The following TNNT3 variants were observed in gnomAD, a reference collection of about 807,000 sequenced individuals.
TNNT3 encodes troponin T, fast skeletal muscle.
A neutral mutation model predicts 54.2 loss-of-function variants in TNNT3; 36 were observed. That is an observed-to-expected ratio of 0.66 (90% CI 0.51 to 0.88). The LOEUF is 0.88. TNNT3 is among the 40% of genes least tolerant of loss of function. TNNT3 has a pLI of 0.00. For missense variants in TNNT3, 291 were observed against 331.6 expected, an observed-to-expected ratio of 0.88 and a Z score of 0.95; for synonymous variants, 120 against 109.7, an observed-to-expected ratio of 1.09 and a Z score of -0.59.
At position 1,934,900 on chromosome 11, in the gene TNNT3, TGAAACGCCAGAAATATGACG is replaced by T; in HGVS notation, c.663_681+1del. ...GACAAGTTCGAGTTTGGGGAGAAGCTGAAACGCCAGAAATATGACGTGAGTCCCGGCACCTCCGGCCCTGG... is the reference window on the plus strand; with the variant it reads ...GACAAGTTCGAGTTTGGGGAGAAGCTTGAGTCCCGGCACCTCCGGCCCTGG... On this transcript the variant is annotated splice_donor_variant and coding_sequence_variant, in exon 14 of 16. Transcript: ENST00000278317. LOFTEE classifies it high-confidence loss of function. 6.2e-7 allele frequency: 1 copy of T among 1,613,580 alleles called. No individual in the cohort carries two copies. Among genetic ancestry groups the T allele is most frequent in the Non-Finnish European group, 8.5e-7 (1 of 1,180,022 alleles).
At chr11:1,924,261 C>A (rs1564799795) in intron 4 of TNNT3, among the ~76,000 whole-genome samples, 1 of 152,188 alleles carries the variant, frequency 6.6e-6, no homozygotes, top group South Asian at 2.1e-4. Context: ...AGCCTGGAGC[C>A]CCCTCCCTGT....
chr11:1,934,330 A>G lies in TNNT3; in HGVS notation c.367-2A>G. On this transcript the variant is annotated splice_acceptor_variant, in intron 11 of 15. Transcript: ENST00000278317. LOFTEE classifies it high-confidence loss of function. ...AGCATCTTGGGAATGGGGTCTCCAC[A>G]GGAGGAAAAGGCCAGAAGGGAGGAG... 6.2e-7 allele frequency: 1 copy of G among 1,613,138 alleles called. No individual in the cohort carries two copies. Among genetic ancestry groups the G allele is most frequent in the Non-Finnish European group, 8.5e-7 (1 of 1,179,416 alleles).
chr11:1,926,826 C>T (rs892519267), intron 6 of TNNT3, 117 bp downstream of exon 6: 2 of 1,378,218 alleles, frequency 1.5e-6, no homozygotes, highest in African/African-American at 2.8e-5. Context: ...TGAACCCGTT[C>T]TGGCCTCTGG....
In TNNT3 at chr11:1,929,454, C is replaced by T. The variant is rs559809430; in HGVS notation, c.106+311C>T. ...CCCCCCTCCCCTTTCTCCCAAGCCCCTTTCCTCCCAATCTTCTTCCCGAGC... is the reference window on the plus strand; with the variant it reads ...CCCCCCTCCCCTTTCTCCCAAGCCCTTTTCCTCCCAATCTTCTTCCCGAGC... On this transcript the variant is annotated intron_variant, in intron 7 of 15. Coordinates refer to ENST00000278317, the MANE Select transcript of TNNT3 (RefSeq NM_006757.4). Among the ~76,000 whole-genome samples, 107 of 152,356 alleles carry T rather than the reference C, an allele frequency of 7.0e-4. 2 individuals carry two copies. The South Asian group carries it at 0.021, about 30-fold the overall frequency.
rs1406691213 is a variant in TNNT3 at position 1,925,117 on chromosome 11, G to T, written c.67+1G>T. ...CTCTCAGAGGAAGCCCAGGAGGAAG[G>T]TAAGTGGGGTCCAAGGCCCCGGCCC... On this transcript the variant is annotated splice_donor_variant, in intron 5 of 15. Coordinates refer to ENST00000278317, the MANE Select transcript of TNNT3 (RefSeq NM_006757.4). LOFTEE classifies it high-confidence loss of function. The T allele has an allele frequency of 1.2e-6, 2 of 1,613,006 alleles. No individual in the cohort carries two copies. The highest frequency in any genetic ancestry group is 1.3e-5 in the African/African-American group (1 of 75,024).
At chr11:1,932,042 A>G (rs553505729) in intron 8 of TNNT3, among the ~76,000 whole-genome samples, 4 of 152,280 alleles carry the variant, frequency 2.6e-5, no homozygotes, top group Non-Finnish European at 5.9e-5. Context: ...AGAAAGATGA[A>G]AGAGGGGCTG....
chr11:1,923,114 C>T, intron 3 of TNNT3, 53 bp downstream of exon 3: 1 of 1,610,492 alleles, frequency 6.2e-7, no homozygotes, highest in Non-Finnish European at 8.5e-7. Context: ...GGAAGGCTCA[C>T]ATGTGGGCAG....
At position 1,922,898 on chromosome 11, in the gene TNNT3, A is replaced by T; in HGVS notation, c.17+7A>T. 6.2e-7 allele frequency: 1 copy of T among 1,613,678 alleles called. No homozygotes were observed. The highest frequency in any genetic ancestry group is 1.3e-5 in the African/African-American group (1 of 74,978). ...CCATGTCTGACGAGGAAGTGTGAGT[A>T]CCCAGCTGGTGGCTGCCCCCTGCCT... On this transcript the variant is annotated splice_region_variant and intron_variant, in intron 2 of 15. Transcript: ENST00000278317.
intron 8 of TNNT3, 24 bp from the exon 9 acceptor site, chr11:1,932,445 C>A: frequency 6.2e-7 from 1 of 1,612,996 alleles, no homozygotes; most frequent in African/African-American, 1.3e-5. Flanking sequence ...TCTCTGCTCA[C>A]GGGCCTCTCT....
chr11:1,925,127 T>A lies in TNNT3; in HGVS notation c.67+11T>A. On this transcript the variant is annotated intron_variant, in intron 5 of 15. Transcript: ENST00000278317. ...AAGCCCAGGAGGAAGGTAAGTGGGG[T>A]CCAAGGCCCCGGCCCCCATGCCCAC... 1.2e-6 allele frequency: 2 copies of A among 1,612,284 alleles called. No individual in the cohort carries two copies. Among genetic ancestry groups the A allele is most frequent in the African/African-American group, 1.3e-5 (1 of 74,908 alleles).
intron 4 of TNNT3, 88 bp from the exon 5 acceptor site, chr11:1,925,011 T>C (rs369068657): frequency 6.6e-7 from 1 of 1,512,628 alleles, no homozygotes; most frequent in African/African-American, 1.4e-5. Flanking sequence ...CTCCTGTCCT[T>C]GCGGCCTGAG....
At chr11:1,929,667 TG>T in intron 7 of TNNT3, 142 bp from the exon 8 acceptor site, 2 of 887,456 alleles carry the variant, frequency 2.3e-6, no homozygotes, top group Non-Finnish European at 3.7e-6. Flanking sequence ...TTCTGGGGGT[TG>T]GGGGTACTCC....
rs1253268773 is a variant in TNNT3 at position 1,925,091 on chromosome 11, G to T, written c.50-8G>T. The T allele has an allele frequency of 5.6e-6, 9 of 1,612,588 alleles. No individual in the cohort carries two copies. Among genetic ancestry groups the T allele is most frequent in the Non-Finnish European group, 7.6e-6 (9 of 1,179,888 alleles). On this transcript the variant is annotated splice_polypyrimidine_tract_variant and splice_region_variant and intron_variant, in intron 4 of 15. Transcript: ENST00000278317. ...CCTTCTCCTGCTCCTGGCTTCTCCG[G>T]CTCTCAGAGGAAGCCCAGGAGGAAG...
intron 8 of TNNT3, among the ~76,000 whole-genome samples, chr11:1,930,540 C>T (rs1348309293): frequency 1.3e-5 from 2 of 152,158 alleles, no homozygotes; most frequent in Non-Finnish European, 2.9e-5. Context: ...GCTCTTCTGA[C>T]TTTTCTGCTT....
intron 4 of TNNT3, 109 bp from the exon 5 acceptor site, chr11:1,924,990 G>T: frequency 1.5e-6 from 2 of 1,318,828 alleles, no homozygotes; most frequent in African/African-American, 1.4e-5. Flanking sequence ...CTCTTCTCCC[G>T]GCCAGCCGGC....
At chr11:1,923,645 C>T (rs1211419302) in intron 4 of TNNT3, 73 bp downstream of exon 4, 1 of 1,009,048 alleles carries the variant, frequency 9.9e-7, no homozygotes, top group Non-Finnish European at 1.5e-6. Context: ...GTGTGGCGCT[C>T]ACAGAACCCC....
chr11:1,922,104 C>CCG, intron 1 of TNNT3, among the ~76,000 whole-genome samples: 1 of 152,192 alleles, frequency 6.6e-6, no homozygotes, highest in South Asian at 2.1e-4. Context: ...GAGCCCGGCC[C>CCG]GGGGGGGTGC....
intron 1 of TNNT3, 35 bp from the exon 2 acceptor site, chr11:1,922,822 T>G (rs765103804): frequency 7.3e-6 from 3 of 410,226 alleles, no homozygotes; most frequent in Non-Finnish European, 1.1e-5. Flanking sequence ...CTTTCCATCC[T>G]CTCTCTCTCT....
chr11:1,930,741 C>T (rs922967296), intron 8 of TNNT3, among the ~76,000 whole-genome samples: 1 of 152,146 alleles, frequency 6.6e-6, no homozygotes, highest in African/African-American at 2.4e-5. Flanking sequence ...GTACAGCCGG[C>T]GTATTCCCAC....
Sources: gnomAD v4.1 joint callset for allele counts (sites outside exome capture counted in the v4.1 genomes callset) on GRCh38, gnomAD v4.1.1 for gene constraint, MANE v1.5 for transcripts, NCBI Gene and HGNC (gene_info 2026-07-23, HGNC 2026-07-21) for gene names.